The following SEMA3D variants were observed in gnomAD, a reference collection of about 807,000 sequenced individuals.
The protein encoded by SEMA3D is semaphorin 3D, also known as semaphorin-3D.
In SEMA3D, 84 loss-of-function variants were observed where a neutral mutation model predicts 100.1. The observed-to-expected ratio is 0.84, with a 90% CI of 0.70 to 1.01. The LOEUF (loss-of-function observed/expected upper bound fraction) is 1.01. Ranked by LOEUF, SEMA3D falls within the 50% of genes least tolerant of loss-of-function variation. The probability of loss-of-function intolerance (pLI) is 0.00; values close to 1 mark genes in which losing one functional copy is unlikely to be tolerated. For missense variants in SEMA3D, 875 were observed against 934.1 expected (o/e 0.94, Z 0.82); for synonymous variants, 312 against 320.7 (o/e 0.97, Z 0.29).
At chr7:85,194,683 T>C in the SEMA3D span, among the ~76,000 whole-genome samples, 2 of 152,184 alleles carry the variant, frequency 1.3e-5, no homozygotes, top group Non-Finnish European at 2.9e-5. Flanking sequence ...ATTGGTTTTC[T>C]AGAGCTGCCA....
intron 8 of SEMA3D, among the ~76,000 whole-genome samples, chr7:85,059,372 T>A (rs1357160263): frequency 5.3e-5 from 8 of 152,160 alleles, no homozygotes; most frequent in Admixed American, 5.2e-4. Flanking sequence ...TGTATAAAAC[T>A]GAAACTATGC....
At chr7:85,105,021 T>C (rs1788870663) in intron 3 of SEMA3D, among the ~76,000 whole-genome samples, 1 of 152,050 alleles carries the variant, frequency 6.6e-6, no homozygotes, top group Admixed American at 6.6e-5. Flanking sequence ...CACAAATTAT[T>C]GCCCTGCCCA....
At chr7:85,006,672 TAGTG>T (rs1789804172) in intron 18 of SEMA3D, 126 bp downstream of exon 18, 1 of 638,532 alleles carries the variant, frequency 1.6e-6, no homozygotes, top group Non-Finnish European at 2.4e-6. Context: ...CCTTTGGTGT[TAGTG>T]AGTAAAACCT....
intron 1 of SEMA3D, among the ~76,000 whole-genome samples, chr7:85,170,431 C>T (rs1791053478): frequency 6.6e-6 from 1 of 151,728 alleles, no homozygotes; most frequent in African/African-American, 2.4e-5. Context: ...AACAACACAA[C>T]AATCATTTCA....
intron 9 of SEMA3D, 108 bp downstream of exon 9, chr7:85,055,609 A>C (rs544796529): frequency 1.5e-5 from 3 of 201,366 alleles, no homozygotes; most frequent in Non-Finnish European, 2.7e-5. Flanking sequence ...ATGAGCATTA[A>C]CTTTGGCTTA....
chr7:85,169,577 A>G (rs1484805979), intron 1 of SEMA3D, among the ~76,000 whole-genome samples: 1 of 151,864 alleles, frequency 6.6e-6, no homozygotes, highest in Admixed American at 6.6e-5. Context: ...TTAAATCAAT[A>G]CTGCCACCTA....
At chr7:85,109,255 TG>T (rs1186014564) in intron 3 of SEMA3D, among the ~76,000 whole-genome samples, 1 of 152,022 alleles carries the variant, frequency 6.6e-6, no homozygotes, top group African/African-American at 2.4e-5. Context: ...ATTATTCTAA[TG>T]GTACATAGAC....
chr7:85,112,496 A>G (rs1789120533), intron 3 of SEMA3D, among the ~76,000 whole-genome samples: 1 of 152,150 alleles, frequency 6.6e-6, no homozygotes, highest in African/African-American at 2.4e-5. Flanking sequence ...GTTATTTTTT[A>G]TATCTTAATA....
At chr7:85,189,809 T>A (rs1791654942), upstream of SEMA3D, among the ~76,000 whole-genome samples, 1 of 152,180 alleles carries the variant, frequency 6.6e-6, no homozygotes, top group Non-Finnish European at 1.5e-5. Flanking sequence ...AAATATAATA[T>A]GAGTAAGTAA....
chr7:85,129,942 A>G (rs552063298), intron 2 of SEMA3D, among the ~76,000 whole-genome samples: 8 of 152,256 alleles, frequency 5.3e-5, no homozygotes, highest in African/African-American at 1.7e-4. Flanking sequence ...CAAAACACTT[A>G]TAATGAGTTA....
intron 12 of SEMA3D, chr7:85,027,724 A>T (rs1413472681): frequency 3.2e-6 from 1 of 315,088 alleles, no homozygotes; most frequent in Non-Finnish European, 6.1e-6. Flanking sequence ...TTGTTTTCCC[A>T]ACATAAAAGG....
chr7:85,162,674 G>A (rs573880998), intron 1 of SEMA3D, among the ~76,000 whole-genome samples: 28 of 152,234 alleles, frequency 1.8e-4, no homozygotes, highest in African/African-American at 6.5e-4. Flanking sequence ...TGGGAAACGT[G>A]TACTGGGAGG....
chr7:85,242,638 G>C, the SEMA3D span, among the ~76,000 whole-genome samples: 1 of 152,040 alleles, frequency 6.6e-6, no homozygotes, highest in Non-Finnish European at 1.5e-5. Flanking sequence ...GGGTGTCATT[G>C]TCTCCAACAA....
At chr7:85,082,771 T>C (rs1371882173) in intron 4 of SEMA3D, among the ~76,000 whole-genome samples, 1 of 152,164 alleles carries the variant, frequency 6.6e-6, no homozygotes, top group African/African-American at 2.4e-5. Context: ...AATAGACAAA[T>C]ACAATGAAAT....
At chr7:85,042,045 G>T (rs1007932317) in intron 10 of SEMA3D, 126 bp downstream of exon 10, 7 of 720,406 alleles carry the variant, frequency 9.7e-6, no homozygotes, top group African/African-American at 1.8e-5. Flanking sequence ...ATTTTAGTAA[G>T]AACCACTCCT....
the SEMA3D span, among the ~76,000 whole-genome samples, chr7:85,249,810 TA>T: frequency 1.3e-5 from 2 of 152,166 alleles, no homozygotes; most frequent in African/African-American, 4.8e-5. Flanking sequence ...AAACTGCATC[TA>T]GAAGTCTGTA....
intron 16 of SEMA3D, among the ~76,000 whole-genome samples, chr7:85,014,147 A>T (rs1033264315): frequency 1.3e-5 from 2 of 151,816 alleles, no homozygotes; most frequent in Non-Finnish European, 2.9e-5. Flanking sequence ...AATTTGAGAA[A>T]TCAATAAAAT....
chr7:85,185,079 G>C (rs888414029), intron 1 of SEMA3D, among the ~76,000 whole-genome samples: 1 of 152,088 alleles, frequency 6.6e-6, no homozygotes, highest in African/African-American at 2.4e-5. Context: ...AAAGGAGAAG[G>C]AAAAGGAGAA....
intron 1 of SEMA3D, chr7:85,160,007 G>T: frequency 1.0e-6 from 1 of 973,948 alleles, no homozygotes; most frequent in South Asian, 4.7e-5. Flanking sequence ...ATCTCTCCAT[G>T]AACTATATCA....
Sources: gnomAD v4.1 joint callset for allele counts (sites outside exome capture counted in the v4.1 genomes callset) on GRCh38, gnomAD v4.1.1 for gene constraint, MANE v1.5 for transcripts, NCBI Gene and HGNC (gene_info 2026-07-23, HGNC 2026-07-21) for gene names.